The following DENND1A variants were observed in gnomAD, a reference collection of about 807,000 sequenced individuals.
The protein encoded by DENND1A is DENN domain containing 1A.
DENND1A carries 51 observed loss-of-function variants against 113.7 expected under a neutral mutation model. That is an observed-to-expected ratio of 0.45 (90% CI 0.36 to 0.57). The LOEUF is 0.57. Among genes scored for constraint, DENND1A ranks in the 20% least tolerant of loss-of-function variants. The pLI is 0.00. For synonymous variants in DENND1A, 565 were observed against 570.8 expected (o/e 0.99, Z 0.14); for missense variants, 1,258 against 1,395.9 (o/e 0.90, Z 1.57).
At chr9:123,872,815 C>T (rs889145936) in intron 2 of DENND1A, among the ~76,000 whole-genome samples, 6 of 152,046 alleles carry the variant, frequency 3.9e-5, no homozygotes, top group Admixed American at 3.3e-4. Flanking sequence ...AAGAATGAAA[C>T]TCCCACAGAA....
chr9:123,831,299 A>G (rs1840174450), intron 2 of DENND1A, among the ~76,000 whole-genome samples: 1 of 152,188 alleles, frequency 6.6e-6, no homozygotes, highest in African/African-American at 2.4e-5. Context: ...AAGGACCTAC[A>G]TTACATAAAG....
chr9:123,903,704 C>A (rs1024058481), intron 1 of DENND1A, among the ~76,000 whole-genome samples: 1 of 152,228 alleles, frequency 6.6e-6, no homozygotes, highest in Non-Finnish European at 1.5e-5. Context: ...TATCCCGCAC[C>A]TGGCTCAGAG....
intron 19 of DENND1A, chr9:123,413,321 T>A: frequency 1.4e-6 from 1 of 705,808 alleles, no homozygotes; most frequent in Non-Finnish European, 1.7e-6. Flanking sequence ...TATATTGGGT[T>A]CATTATATTA....
At chr9:123,901,833 T>C (rs753728462) in intron 1 of DENND1A, among the ~76,000 whole-genome samples, 10 of 151,912 alleles carry the variant, frequency 6.6e-5, no homozygotes, top group South Asian at 2.1e-4. Flanking sequence ...TGAAACTTCA[T>C]CTCTGCTAAA....
chr9:123,544,942 C>CAAAAA (rs571331389), intron 13 of DENND1A, among the ~76,000 whole-genome samples: 2 of 151,990 alleles, frequency 1.3e-5, no homozygotes, highest in African/African-American at 4.8e-5. Context: ...ACTAAAAACA[C>CAAAAA]AAAAAATTAG....
intron 2 of DENND1A, among the ~76,000 whole-genome samples, chr9:123,830,645 A>T (rs573502484): frequency 6.6e-6 from 1 of 152,086 alleles, no homozygotes; most frequent in East Asian, 1.9e-4. Context: ...GGGGCGGACC[A>T]CCTGAGGTCA....
intron 13 of DENND1A, among the ~76,000 whole-genome samples, chr9:123,540,792 T>C (rs1180911560): frequency 6.6e-6 from 1 of 152,146 alleles, no homozygotes. Flanking sequence ...CCCTGACACA[T>C]TGAATTATCA....
intron 11 of DENND1A, among the ~76,000 whole-genome samples, chr9:123,600,964 C>T (rs1172810122): frequency 1.3e-5 from 2 of 152,186 alleles, no homozygotes; most frequent in Non-Finnish European, 2.9e-5. Context: ...CTGCTCCTTA[C>T]CTCAATCTGG....
chr9:123,857,565 G>A (rs1373920775), intron 2 of DENND1A, among the ~76,000 whole-genome samples: 1 of 152,164 alleles, frequency 6.6e-6, no homozygotes, highest in Admixed American at 6.5e-5. Flanking sequence ...CACCAGTAAA[G>A]GGCCAAATCA....
intron 5 of DENND1A, among the ~76,000 whole-genome samples, chr9:123,714,229 C>A (rs1372734146): frequency 6.6e-6 from 1 of 152,206 alleles, no homozygotes; most frequent in Non-Finnish European, 1.5e-5. Flanking sequence ...CAGATACCAG[C>A]CCCAGCAGTG....
At chr9:123,421,879 C>T (rs897199223) in intron 19 of DENND1A, among the ~76,000 whole-genome samples, 18 of 152,162 alleles carry the variant, frequency 1.2e-4, no homozygotes, top group East Asian at 9.6e-4. Flanking sequence ...CAAGACCTGG[C>T]CCTGCCCCCG....
chr9:123,926,567 C>CAAAA (rs746978969), intron 1 of DENND1A, among the ~76,000 whole-genome samples: 3 of 41,038 alleles, frequency 7.3e-5, no homozygotes, highest in Admixed American at 2.8e-4. Flanking sequence ...AACTCCATCT[C>CAAAA]AAAAAAAAAA....
intron 6 of DENND1A, among the ~76,000 whole-genome samples, chr9:123,674,450 T>C (rs1177383974): frequency 6.6e-6 from 1 of 151,726 alleles, no homozygotes; most frequent in African/African-American, 2.4e-5. Context: ...GAGAGAAGGT[T>C]TCAGCCCTGG....
intron 5 of DENND1A, among the ~76,000 whole-genome samples, chr9:123,707,439 G>C (rs2066300059): frequency 6.6e-6 from 1 of 151,882 alleles, no homozygotes; most frequent in Non-Finnish European, 1.5e-5. Flanking sequence ...CTGAGCCCTG[G>C]AAGGGAGCAC....
intron 13 of DENND1A, among the ~76,000 whole-genome samples, chr9:123,489,516 C>T (rs1012170285): frequency 6.6e-6 from 1 of 152,264 alleles, no homozygotes; most frequent in Non-Finnish European, 1.5e-5. Context: ...GTGGCATAAG[C>T]TCCAAATAAA....
At chr9:123,549,293 C>G (rs1564697555) in intron 13 of DENND1A, among the ~76,000 whole-genome samples, 1 of 152,118 alleles carries the variant, frequency 6.6e-6, no homozygotes, top group East Asian at 1.9e-4. Flanking sequence ...CTGTACTGTA[C>G]ATAGTGTCTT....
chr9:123,381,618 CG>C lies in DENND1A; in HGVS notation c.3026del (p.Pro1009ArgfsTer38). 1 of 1,612,502 alleles carries C rather than the reference CG, an allele frequency of 6.2e-7. No homozygotes were observed. Among genetic ancestry groups the C allele is most frequent in the Non-Finnish European group, 8.5e-7 (1 of 1,179,650 alleles). ...QGLALRPGDP[P>X]LLPPRPPQGL... ...CTTGAGGGGGCCTGGGAGGCAGAAG[CG>C]GGGGGTCTCCAGGCCTCAGGGCCAG... On this transcript the variant is annotated frameshift_variant, in exon 24 of 24. Transcript: ENST00000394215. LOFTEE classifies it high-confidence loss of function. The surrounding 1 kb of genome is among the most constrained non-coding windows in gnomAD (Gnocchi z 4.7).
intron 19 of DENND1A, among the ~76,000 whole-genome samples, chr9:123,435,281 C>T (rs1007984783): frequency 2.0e-5 from 3 of 152,152 alleles, no homozygotes; most frequent in Admixed American, 6.5e-5. Context: ...TTTGCTAGCT[C>T]GGCATCTTCT....
chr9:123,552,006 A>AGC (rs1167946499), intron 13 of DENND1A, among the ~76,000 whole-genome samples: 59 of 146,582 alleles, frequency 4.0e-4, no homozygotes, highest in African/African-American at 1.0e-3. Context: ...AGAGAGCGAG[A>AGC]GAGAGCGAGA....
Sources: gnomAD v4.1 joint callset for allele counts (sites outside exome capture counted in the v4.1 genomes callset) on GRCh38, gnomAD v4.1.1 for gene constraint, Gnocchi (gnomAD v3.1) non-coding constraint, MANE v1.5 for transcripts, NCBI Gene and HGNC (gene_info 2026-07-23, HGNC 2026-07-21) for gene names.